Variants in IMMP2L observed in about 807,000 individuals in gnomAD.
The protein encoded by IMMP2L is inner mitochondrial membrane peptidase subunit 2.
In IMMP2L, 18 loss-of-function variants were observed where a neutral mutation model predicts 19.3. The observed-to-expected ratio is 0.93, with a 90% confidence interval of 0.64 to 1.38. IMMP2L has a LOEUF of 1.38. IMMP2L is among the 40% of genes most tolerant of loss of function. IMMP2L has a pLI of 0.00. For missense variants in IMMP2L, 233 were observed against 218.2 expected (o/e 1.07, Z -0.43); for synonymous variants, 76 against 73.0 (o/e 1.04, Z -0.21).
intron 5 of IMMP2L, among the ~76,000 whole-genome samples, chr7:110,796,456 A>G (rs1348004246): frequency 6.6e-6 from 1 of 152,038 alleles, no homozygotes; most frequent in Non-Finnish European, 1.5e-5. Context: ...TCTTGTCTTC[A>G]TTATTCAAAA....
At chr7:111,361,312 C>A (rs1250729762) in intron 3 of IMMP2L, among the ~76,000 whole-genome samples, 3 of 152,046 alleles carry the variant, frequency 2.0e-5, no homozygotes, top group Non-Finnish European at 4.4e-5. Flanking sequence ...ACAAACTCAA[C>A]GTTATGCATA....
chr7:111,146,387 T>A (rs2129600743), intron 3 of IMMP2L, among the ~76,000 whole-genome samples: 1 of 152,194 alleles, frequency 6.6e-6, no homozygotes, highest in South Asian at 2.1e-4. Flanking sequence ...GAATGTCTTC[T>A]CAAATCCTCT....
chr7:110,713,026 G>C (rs1794999199), intron 5 of IMMP2L, among the ~76,000 whole-genome samples: 1 of 152,156 alleles, frequency 6.6e-6, no homozygotes, highest in East Asian at 1.9e-4. Context: ...GGCCATCTTC[G>C]TATGACTCTT....
At chr7:111,144,062 T>C (rs1248507585) in intron 3 of IMMP2L, among the ~76,000 whole-genome samples, 1 of 152,136 alleles carries the variant, frequency 6.6e-6, no homozygotes, top group Non-Finnish European at 1.5e-5. Context: ...AAAATCTCTA[T>C]TTTTCTTACA....
Position 110,856,633 on chromosome 7 carries a change from A to C in IMMP2L, c.408+29960T>G, listed in dbSNP as rs184497785. Among the ~76,000 whole-genome samples, 30 of 152,174 alleles carry C rather than the reference A, an allele frequency of 2.0e-4. No individual in the cohort carries two copies. The East Asian group carries it at 5.2e-3, about 27-fold the overall frequency. ...ACATGCTCAAATCAATTTGGCACGT[A>C]AGGGAAATTGATTTGGAAAAGGGAG... On this transcript the variant is annotated intron_variant, in intron 5 of 5. Coordinates refer to ENST00000405709, the MANE Select transcript of IMMP2L (RefSeq NM_032549.4).
chr7:110,861,034 A>G (rs140155076), intron 5 of IMMP2L, among the ~76,000 whole-genome samples: 1,518 of 151,474 alleles, frequency 0.01, 15 homozygotes, highest in Admixed American at 0.023. Context: ...TTTATCTCAA[A>G]GCCAAGAGGT....
At chr7:111,327,008 A>G (rs1825387031) in intron 3 of IMMP2L, among the ~76,000 whole-genome samples, 1 of 151,764 alleles carries the variant, frequency 6.6e-6, no homozygotes, top group Non-Finnish European at 1.5e-5. Context: ...TAGTACATTT[A>G]CATACTCTAG....
chr7:111,452,419 G>T (rs767404691), intron 3 of IMMP2L, among the ~76,000 whole-genome samples: 4 of 152,052 alleles, frequency 2.6e-5, no homozygotes, highest in Non-Finnish European at 5.9e-5. Context: ...TTCCTATGAA[G>T]CACATGACTC....
chr7:111,071,192 A>T (rs1794917426), intron 3 of IMMP2L, among the ~76,000 whole-genome samples: 1 of 152,146 alleles, frequency 6.6e-6, no homozygotes, highest in Admixed American at 6.5e-5. Flanking sequence ...CACTAAAATT[A>T]TAAGAATTTT....
chr7:110,811,066 G>T (rs1342690437), intron 5 of IMMP2L, among the ~76,000 whole-genome samples: 2 of 151,896 alleles, frequency 1.3e-5, no homozygotes, highest in South Asian at 2.1e-4. Flanking sequence ...GATTCCCCAG[G>T]CTCTGGCTTC....
intron 5 of IMMP2L, among the ~76,000 whole-genome samples, chr7:110,816,982 G>A (rs990063368): frequency 4.6e-5 from 7 of 152,018 alleles, no homozygotes; most frequent in African/African-American, 9.7e-5. Context: ...AGTTAATATT[G>A]TTATGTGTGA....
At chr7:111,476,984 T>C (rs925157443) in intron 3 of IMMP2L, among the ~76,000 whole-genome samples, 1 of 152,158 alleles carries the variant, frequency 6.6e-6, no homozygotes, top group East Asian at 1.9e-4. Flanking sequence ...AACTTATTCA[T>C]GGATATATCA....
At chr7:111,446,089 C>T (rs1392054550) in intron 3 of IMMP2L, among the ~76,000 whole-genome samples, 1 of 151,962 alleles carries the variant, frequency 6.6e-6, no homozygotes, top group African/African-American at 2.4e-5. Flanking sequence ...GCTAGCACAG[C>T]AGTCTGAGAT....
intron 3 of IMMP2L, among the ~76,000 whole-genome samples, chr7:111,205,067 G>A (rs1189768235): frequency 2.6e-5 from 4 of 152,178 alleles, no homozygotes; most frequent in Non-Finnish European, 4.4e-5. Flanking sequence ...TGTCTGGTGA[G>A]GGCCTTCTTG....
intron 3 of IMMP2L, among the ~76,000 whole-genome samples, chr7:111,099,526 T>G (rs1029890960): frequency 2.6e-5 from 4 of 151,704 alleles, no homozygotes; most frequent in African/African-American, 9.7e-5. Flanking sequence ...TCAGCATTTC[T>G]TGCTATGTCA....
At chr7:111,145,274 T>C (rs1327781461) in intron 3 of IMMP2L, among the ~76,000 whole-genome samples, 1 of 152,102 alleles carries the variant, frequency 6.6e-6, no homozygotes, top group Non-Finnish European at 1.5e-5. Context: ...GGAATATGTG[T>C]AGTTGCCTCT....
chr7:110,796,755 C>T (rs1800889687), intron 5 of IMMP2L, among the ~76,000 whole-genome samples: 1 of 151,998 alleles, frequency 6.6e-6, no homozygotes, highest in Non-Finnish European at 1.5e-5. Flanking sequence ...AAAGCAAGAC[C>T]TGCAAGATCA....
chr7:111,459,135 T>C (rs1839924953), intron 3 of IMMP2L, among the ~76,000 whole-genome samples: 1 of 152,176 alleles, frequency 6.6e-6, no homozygotes, highest in Admixed American at 6.5e-5. Context: ...TGAGTAAATA[T>C]AATAGAGTTC....
At chr7:110,692,481 C>T (rs1405486682) in intron 5 of IMMP2L, among the ~76,000 whole-genome samples, 1 of 148,914 alleles carries the variant, frequency 6.7e-6, no homozygotes, top group Admixed American at 6.8e-5. Context: ...CACTTGTACC[C>T]CTAAAGCTAT....
Sources: gnomAD v4.1 joint callset for allele counts (sites outside exome capture counted in the v4.1 genomes callset) on GRCh38, gnomAD v4.1.1 for gene constraint, MANE v1.5 for transcripts, NCBI Gene and HGNC (gene_info 2026-07-23, HGNC 2026-07-21) for gene names.